CNTN5: variants seen among roughly 807,000 people sequenced by gnomAD.
CNTN5 encodes the protein contactin 5, also known as contactin-5.
A neutral mutation model predicts 129.1 loss-of-function variants in CNTN5; 77 were observed. The ratio of observed to expected loss-of-function variants is 0.60; its 90% CI spans 0.50 to 0.72. The LOEUF (loss-of-function observed/expected upper bound fraction) is 0.72. CNTN5 is among the 30% of genes least tolerant of loss of function. The pLI, the probability that CNTN5 is intolerant of heterozygous loss-of-function variation, is 0.00. For synonymous variants in CNTN5, 509 were observed against 465.6 expected, an observed-to-expected ratio of 1.09 and a Z score of -1.20; for missense variants, 1,478 against 1,328.8, an observed-to-expected ratio of 1.11 and a Z score of -1.75.
At chr11:99,687,997 A>G (rs746428490) in intron 3 of CNTN5, among the ~76,000 whole-genome samples, 2 of 152,178 alleles carry the variant, frequency 1.3e-5, no homozygotes, top group Non-Finnish European at 2.9e-5. Context: ...GTTATTTTCC[A>G]GATTTCCAGG....
chr11:99,628,742 C>A (rs1030549199), intron 3 of CNTN5, among the ~76,000 whole-genome samples: 1 of 151,786 alleles, frequency 6.6e-6, no homozygotes, highest in Non-Finnish European at 1.5e-5. Context: ...ACAAAGGGCA[C>A]AGGGAAATAA....
chr11:99,669,650 T>C (rs1165787130), intron 3 of CNTN5, among the ~76,000 whole-genome samples: 1 of 152,136 alleles, frequency 6.6e-6, no homozygotes, highest in African/African-American at 2.4e-5. Context: ...AATACATTAT[T>C]GTTAGTAAAG....
intron 13 of CNTN5, among the ~76,000 whole-genome samples, chr11:100,132,825 AATCT>A (rs1486432421): frequency 6.6e-6 from 1 of 152,160 alleles, no homozygotes; most frequent in Non-Finnish European, 1.5e-5. Flanking sequence ...CCTTAAATAC[AATCT>A]ATCTGCCTTG....
intron 1 of CNTN5, among the ~76,000 whole-genome samples, chr11:99,043,578 C>T (rs996588144): frequency 2.0e-5 from 3 of 152,028 alleles, no homozygotes; most frequent in African/African-American, 4.8e-5. Flanking sequence ...GCTTCCTATT[C>T]GAAAAAGTGG....
Position 99,097,555 on chromosome 11 carries a change from CAG to C in CNTN5, c.-210+76289_-210+76290del, listed in dbSNP as rs113377578. Among the ~76,000 whole-genome samples the C allele has an allele frequency of 9.2e-5, 14 of 151,928 alleles. 1 individual carries two copies. Among genetic ancestry groups the C allele is most frequent in the African/African-American group, 2.9e-4 (12 of 41,524 alleles). On this transcript the variant is annotated intron_variant, in intron 1 of 24. Transcript: ENST00000524871. The stretch of plus-strand genomic sequence containing the variant: ...CAATTTTGTAACATCCGTGCATTTA[CAG>C]AGATAATAAATTTCTTCATATTTTG...
At chr11:100,241,996 T>C (rs1377768604) in intron 16 of CNTN5, among the ~76,000 whole-genome samples, 1 of 152,206 alleles carries the variant, frequency 6.6e-6, no homozygotes, top group African/African-American at 2.4e-5. Context: ...GCCTTATCGT[T>C]TCAATGGCTT....
At chr11:99,815,409 G>C (rs894759036) in intron 3 of CNTN5, among the ~76,000 whole-genome samples, 17 of 152,096 alleles carry the variant, frequency 1.1e-4, no homozygotes, top group Non-Finnish European at 1.9e-4. Context: ...AAAGGGCTGG[G>C]CAGCTAAGAG....
At chr11:100,220,809 A>T (rs1949247326) in intron 15 of CNTN5, among the ~76,000 whole-genome samples, 1 of 152,182 alleles carries the variant, frequency 6.6e-6, no homozygotes, top group South Asian at 2.1e-4. Context: ...GTCATTCTAG[A>T]ACCCACATAT....
intron 1 of CNTN5, among the ~76,000 whole-genome samples, chr11:99,149,806 A>G (rs989163163): frequency 6.6e-6 from 1 of 152,132 alleles, no homozygotes; most frequent in Non-Finnish European, 1.5e-5. Flanking sequence ...ACACAAAAAA[A>G]TGTATGAGAA....
At chr11:100,042,737 C>G (rs1319686059) in intron 9 of CNTN5, among the ~76,000 whole-genome samples, 1 of 152,156 alleles carries the variant, frequency 6.6e-6, no homozygotes, top group Non-Finnish European at 1.5e-5. Flanking sequence ...TTTGATGGTG[C>G]ATAACAAAAA....
intron 1 of CNTN5, among the ~76,000 whole-genome samples, chr11:99,143,464 C>T (rs1263724665): frequency 4.0e-5 from 6 of 150,564 alleles, no homozygotes. Context: ...TTGACTGAAC[C>T]AAAAATCTTT....
At position 99,318,591 on chromosome 11, in the gene CNTN5, A is replaced by T. The variant is rs189278108; in HGVS notation, c.-209-6755A>T. 2.6e-5 allele frequency among the ~76,000 whole-genome samples: 4 copies of T among 151,842 alleles called. No individual in the cohort carries two copies. In the East Asian group the frequency reaches 7.7e-4, roughly 29 times the overall value. On this transcript the variant is annotated intron_variant, in intron 1 of 24. Transcript: ENST00000524871. ...TCTCCAATCGGCAATGGCAGAGAGGAGCATCATCCAAAACATCTACAGGGA... is the reference window on the plus strand; with the variant it reads ...TCTCCAATCGGCAATGGCAGAGAGGTGCATCATCCAAAACATCTACAGGGA...
chr11:99,426,692 C>T (rs541257863), intron 2 of CNTN5, among the ~76,000 whole-genome samples: 1 of 152,246 alleles, frequency 6.6e-6, no homozygotes, highest in South Asian at 2.1e-4. Context: ...CCCTTACAGT[C>T]TCCTGCGTCC....
chr11:99,179,936 A>G (rs1857967134), intron 1 of CNTN5, among the ~76,000 whole-genome samples: 1 of 152,144 alleles, frequency 6.6e-6, no homozygotes, highest in South Asian at 2.1e-4. Context: ...TTTTTGTATT[A>G]TGTTTTAGTT....
rs1415659930 is a variant in CNTN5, at chr11:99,288,584, CATGG to C, written c.-209-36758_-209-36755del. Reference sequence around the variant, plus strand: ...GTCATTTATCACACTTTTTAATCACCATGGATGATGACTACAGCTTTAATGTAGT... The same window carrying C: ...GTCATTTATCACACTTTTTAATCACCATGATGACTACAGCTTTAATGTAGT... On this transcript the variant is annotated intron_variant, in intron 1 of 24. Transcript: ENST00000524871. 2.0e-5 allele frequency among the ~76,000 whole-genome samples: 3 copies of C among 151,676 alleles called. No individual in the cohort carries two copies. The East Asian group carries it at 5.8e-4, about 29-fold the overall frequency.
intron 13 of CNTN5, among the ~76,000 whole-genome samples, chr11:100,137,799 A>T (rs186041230): frequency 3.4e-4 from 52 of 152,292 alleles, no homozygotes; most frequent in African/African-American, 9.4e-4. Flanking sequence ...ACTTTAACAA[A>T]ATTATGCAAA....
At chr11:99,314,167 G>A (rs76991324) in intron 1 of CNTN5, among the ~76,000 whole-genome samples, 13,698 of 151,660 alleles carry the variant, frequency 0.09, 647 homozygotes, top group South Asian at 0.13. Flanking sequence ...ATAGCTTCTG[G>A]GTGGCATAAC....
In CNTN5 at chr11:99,607,965, G is replaced by T. The variant is rs1325153514; in HGVS notation, c.55+51696G>T. ...GGGACTGTGGTGGGGTCGGGGGAGG[G>T]GGGAGGGATAGCATTGGGAGATATA... On this transcript the variant is annotated intron_variant, in intron 3 of 24. Coordinates refer to ENST00000524871, the MANE Select transcript of CNTN5 (RefSeq NM_014361.4). 3.4e-5 allele frequency among the ~76,000 whole-genome samples: 4 copies of T among 117,290 alleles called. No homozygotes were observed. The Admixed American group carries it at 3.6e-4, about 11-fold the overall frequency. 76.9% of individuals were successfully genotyped at this position (117,290 alleles called of 152,430 possible). A position where few individuals can be genotyped will look rare whatever the true frequency, so the allele number is the denominator to read the frequency against.
At chr11:99,099,014 G>A (rs58780268) in intron 1 of CNTN5, among the ~76,000 whole-genome samples, 1 of 152,086 alleles carries the variant, frequency 6.6e-6, no homozygotes, top group Non-Finnish European at 1.5e-5. Context: ...TCTAAGTTGT[G>A]CACTGTTACA....
Sources: allele counts gnomAD v4.1 joint callset (sites outside exome capture counted in the v4.1 genomes callset), GRCh38; gene constraint gnomAD v4.1.1; transcripts MANE v1.5; gene names NCBI Gene and HGNC (gene_info 2026-07-23, HGNC 2026-07-21).